The following PDE10A variants were observed in gnomAD, a reference collection of about 807,000 sequenced individuals.
PDE10A encodes the protein phosphodiesterase 10A.
In PDE10A, 39 loss-of-function variants were observed where a neutral mutation model predicts 97.7. The observed-to-expected ratio is 0.40, with a 90% CI of 0.31 to 0.52. PDE10A has a LOEUF of 0.52. Ranked by LOEUF, PDE10A falls within the 20% of genes least tolerant of loss-of-function variation. PDE10A has a pLI of 0.56. For missense variants in PDE10A, 731 were observed against 1,047.8 expected (o/e 0.70, Z 4.17); for synonymous variants, 371 against 376.8 (o/e 0.98, Z 0.18).
intron 1 of PDE10A, among the ~76,000 whole-genome samples, chr6:165,874,109 A>G (rs368985345): frequency 2.6e-5 from 4 of 152,244 alleles, no homozygotes; most frequent in African/African-American, 9.6e-5. Context: ...GAAAACAGCC[A>G]GAACTGATCA....
At chr6:165,401,093 T>C (rs565079715) in intron 13 of PDE10A, among the ~76,000 whole-genome samples, 83 of 152,264 alleles carry the variant, frequency 5.5e-4, no homozygotes, top group African/African-American at 1.9e-3. Context: ...ATTATACTGA[T>C]TATGTTGATG....
At chr6:165,467,464 T>C (rs941966800) in intron 3 of PDE10A, among the ~76,000 whole-genome samples, 2 of 152,170 alleles carry the variant, frequency 1.3e-5, no homozygotes, top group African/African-American at 4.8e-5. Flanking sequence ...TTAAGTTGAA[T>C]CTAAGGCTCA....
intron 13 of PDE10A, among the ~76,000 whole-genome samples, chr6:165,397,627 G>A (rs1385523038): frequency 6.6e-6 from 1 of 150,746 alleles, no homozygotes; most frequent in Non-Finnish European, 1.5e-5. Flanking sequence ...GCTTGAACCT[G>A]GGAGGTAGTG....
chr6:165,369,981 G>A (rs1313070512), intron 18 of PDE10A, among the ~76,000 whole-genome samples: 1 of 137,238 alleles, frequency 7.3e-6, no homozygotes, highest in African/African-American at 3.0e-5. Context: ...GCCAAACTAA[G>A]CTTCAAAAGT....
chr6:165,353,337 C>A (rs912761157), intron 18 of PDE10A, among the ~76,000 whole-genome samples: 1 of 152,132 alleles, frequency 6.6e-6, no homozygotes, highest in Non-Finnish European at 1.5e-5. Flanking sequence ...TACAGTATGT[C>A]ATAAGACATA....
intron 1 of PDE10A, among the ~76,000 whole-genome samples, chr6:165,874,579 G>C (rs1191484152): frequency 6.6e-6 from 1 of 152,046 alleles, no homozygotes; most frequent in Non-Finnish European, 1.5e-5. Context: ...TTTAAAATCA[G>C]TAAGCGTTAC....
In PDE10A at chr6:165,343,372, A is replaced by T; in HGVS notation, c.2895+19T>A. On this transcript the variant is annotated intron_variant, in intron 19 of 21. Transcript: ENST00000539869. ...ATTTCTCCTCACTATCTATGTCAAT[A>T]TAAGAATCAAGGACATACCTCAGCC... The T allele has an allele frequency of 6.8e-7, 1 of 1,469,804 alleles. No individual in the cohort carries two copies. The highest frequency in any genetic ancestry group is 1.1e-5 in the South Asian group (1 of 88,094). The allele number at this position is 1,469,804 out of a possible 1,614,324, so 91.0% of individuals were successfully genotyped here.
intron 5 of PDE10A, among the ~76,000 whole-genome samples, chr6:165,436,763 A>C (rs1321166385): frequency 6.6e-6 from 1 of 152,232 alleles, no homozygotes; most frequent in Non-Finnish European, 1.5e-5. Flanking sequence ...GGCTGGAAAA[A>C]CCATTTTCTA....
chr6:165,724,877 C>T (rs191081154), intron 1 of PDE10A, among the ~76,000 whole-genome samples: 199 of 152,306 alleles, frequency 1.3e-3, no homozygotes, highest in Non-Finnish European at 2.2e-3. Context: ...GGCAGGTTCC[C>T]TGGTCAGGGA....
chr6:165,828,507 T>A (rs6935488), intron 1 of PDE10A, among the ~76,000 whole-genome samples: 40,447 of 152,216 alleles, frequency 0.27, 5,471 homozygotes, highest in South Asian at 0.38. Context: ...AACTTAGACA[T>A]GTGCTTATTC....
chr6:165,494,467 T>G (rs1470977045), intron 2 of PDE10A, among the ~76,000 whole-genome samples: 282 of 139,204 alleles, frequency 2.0e-3, no homozygotes, highest in African/African-American at 3.8e-3. Flanking sequence ...GGGGGGGGTG[T>G]GTGTGTGTGT....
At chr6:165,826,856 T>G (rs1779773336) in intron 1 of PDE10A, among the ~76,000 whole-genome samples, 1 of 138,960 alleles carries the variant, frequency 7.2e-6, no homozygotes, top group Non-Finnish European at 1.6e-5. Flanking sequence ...GGACAGGAGG[T>G]GGCACTGAGG....
At chr6:165,722,901 C>T (rs781267534) in intron 1 of PDE10A, among the ~76,000 whole-genome samples, 16 of 151,342 alleles carry the variant, frequency 1.1e-4, no homozygotes, top group Non-Finnish European at 1.8e-4. Context: ...CACACACACA[C>T]ATATACATAT....
chr6:165,761,125 G>A (rs375068065), intron 1 of PDE10A, among the ~76,000 whole-genome samples: 178 of 152,280 alleles, frequency 1.2e-3, no homozygotes, highest in African/African-American at 4.2e-3. Flanking sequence ...CCGCTAGCAG[G>A]ACTCTCAACT....
chr6:165,827,102 C>A (rs1328728330), intron 1 of PDE10A, among the ~76,000 whole-genome samples: 1 of 152,130 alleles, frequency 6.6e-6, no homozygotes, highest in East Asian at 1.9e-4. Flanking sequence ...GGGGCCGACC[C>A]GGGAGAGCCT....
chr6:165,338,718 A>T (rs4588664), intron 20 of PDE10A, among the ~76,000 whole-genome samples: 2 of 152,138 alleles, frequency 1.3e-5, no homozygotes, highest in Admixed American at 1.3e-4. Flanking sequence ...AAATTCATCC[A>T]CCCCCTCTAT....
chr6:165,476,338 G>GT (rs1263848769), intron 3 of PDE10A, among the ~76,000 whole-genome samples: 12 of 152,108 alleles, frequency 7.9e-5, no homozygotes, highest in Non-Finnish European at 1.6e-4. Context: ...ATTATCAACA[G>GT]TATAATAAGA....
chr6:165,804,736 G>C (rs1016183175), intron 1 of PDE10A, among the ~76,000 whole-genome samples: 7 of 152,016 alleles, frequency 4.6e-5, no homozygotes, highest in Admixed American at 4.6e-4. Flanking sequence ...AGGGTGTCCG[G>C]GTGAGGGGTG....
At chr6:165,954,220 G>A (rs1460078352) in intron 1 of PDE10A, among the ~76,000 whole-genome samples, 1 of 152,180 alleles carries the variant, frequency 6.6e-6, no homozygotes, top group East Asian at 1.9e-4. Context: ...ACATTATTTT[G>A]CAGATTTTTG....
Sources: gnomAD v4.1 joint callset for allele counts (sites outside exome capture counted in the v4.1 genomes callset) on GRCh38, gnomAD v4.1.1 for gene constraint, MANE v1.5 for transcripts, NCBI Gene and HGNC (gene_info 2026-07-23, HGNC 2026-07-21) for gene names.